RGL1: variants seen among roughly 807,000 people sequenced by gnomAD.
The protein encoded by RGL1 is ral guanine nucleotide dissociation stimulator like 1.
A neutral mutation model predicts 95.2 loss-of-function variants in RGL1; 24 were observed. That is an observed-to-expected ratio of 0.25 (90% CI 0.18 to 0.35). The LOEUF (loss-of-function observed/expected upper bound fraction) is 0.35. Among genes scored for constraint, RGL1 ranks in the 10% least tolerant of loss-of-function variants. The probability of loss-of-function intolerance (pLI) is 1.00; values close to 1 mark genes in which losing one functional copy is unlikely to be tolerated. For missense variants in RGL1, 715 were observed against 936.3 expected, an observed-to-expected ratio of 0.76 and a Z score of 3.08; for synonymous variants, 329 against 344.9, an observed-to-expected ratio of 0.95 and a Z score of 0.51.
intron 1 of RGL1, among the ~76,000 whole-genome samples, chr1:183,702,549 T>C (rs1421723168): frequency 1.3e-5 from 2 of 152,162 alleles, no homozygotes; most frequent in Non-Finnish European, 2.9e-5. Flanking sequence ...GGTGGTGACA[T>C]GGCTGTCTAT....
intron 2 of RGL1, among the ~76,000 whole-genome samples, chr1:183,845,682 G>A (rs144816257): frequency 4.6e-5 from 7 of 152,264 alleles, no homozygotes; most frequent in Non-Finnish European, 1.0e-4. Context: ...GATTGCTGAT[G>A]ATATTGAATC....
intron 5 of RGL1, among the ~76,000 whole-genome samples, chr1:183,881,327 C>T (rs1319694766): frequency 3.9e-5 from 6 of 152,198 alleles, no homozygotes; most frequent in Admixed American, 1.3e-4. Flanking sequence ...ATCACTGTAA[C>T]GGGTCCCCTG....
intron 7 of RGL1, among the ~76,000 whole-genome samples, chr1:183,887,169 TCC>T (rs1667156685): frequency 2.4e-5 from 2 of 84,828 alleles, no homozygotes; most frequent in African/African-American, 4.5e-5. Context: ...CCTCCCTCCC[TCC>T]CTCTTTTCCT....
chr1:183,767,675 G>A (rs933059764), intron 2 of RGL1, among the ~76,000 whole-genome samples: 6 of 152,278 alleles, frequency 3.9e-5, no homozygotes, highest in Admixed American at 6.5e-5. Flanking sequence ...ATTGCTGGCC[G>A]GGTATGGTGG....
At chr1:183,764,467 C>G (rs1378572880) in intron 2 of RGL1, among the ~76,000 whole-genome samples, 1 of 152,166 alleles carries the variant, frequency 6.6e-6, no homozygotes, top group Non-Finnish European at 1.5e-5. Flanking sequence ...TTGATACTAT[C>G]TGGGAGCCCT....
chr1:183,645,670 G>C (rs1211717605), intron 1 of RGL1, among the ~76,000 whole-genome samples: 1 of 152,196 alleles, frequency 6.6e-6, no homozygotes, highest in Non-Finnish European at 1.5e-5. Flanking sequence ...TGCACTGCAG[G>C]ATCTCACTTT....
chr1:183,904,523 T>C (rs1668203367), intron 12 of RGL1, among the ~76,000 whole-genome samples: 1 of 152,072 alleles, frequency 6.6e-6, no homozygotes, highest in African/African-American at 2.4e-5. Context: ...AGGATGAAAG[T>C]GAAGAAGAGA....
rs773372558 is a variant in RGL1 at position 183,912,180 on chromosome 1, T to A, written c.1661T>A (p.Val554Asp). Residue 554 changes from valine (V) to aspartate (D), a missense_variant, in exon 15 of 18, where the codon GTC (valine) becomes GAC (aspartate). Physicochemically the swap from Val to Asp is radical, Grantham distance 152. Coordinates refer to ENST00000360851, the MANE Select transcript of RGL1 (RefSeq NM_001297671.3). ...AGCTCTGGTGAAAGCATGGACTCTG[T>A]CAGCGTGTCATCCTGCGAGTCGAAC... is the stretch of plus-strand genomic sequence containing the variant. ...SGSSGESMDS[V>D]SVSSCESNHS... 11 of 1,614,068 alleles carry A rather than the reference T, an allele frequency of 6.8e-6. No homozygotes were observed. The South Asian group carries it at 1.2e-4, about 18-fold the overall frequency.
intron 1 of RGL1, among the ~76,000 whole-genome samples, chr1:183,651,277 A>G (rs1280539220): frequency 6.6e-6 from 1 of 152,222 alleles, no homozygotes; most frequent in Non-Finnish European, 1.5e-5. Flanking sequence ...CTGATAAGGC[A>G]GAAAATTTAA....
At position 183,897,106 on chromosome 1, in the gene RGL1, G is replaced by A. The variant is rs537748810; in HGVS notation, c.1141-702G>A. Among the ~76,000 whole-genome samples, 4 of 152,312 alleles carry A rather than the reference G, an allele frequency of 2.6e-5. No individual in the cohort carries two copies. The East Asian group carries it at 7.7e-4, about 29-fold the overall frequency. On this transcript the variant is annotated intron_variant, in intron 9 of 17. Transcript: ENST00000360851. ...AATCACAAAATGTACTGAGGAAGTC[G>A]ATCTTTGTTTTCAGGATATCTGATT...
In RGL1 at chr1:183,866,071, G is replaced by C; in HGVS notation, c.423G>C (p.Arg141Ser). Residue 141 changes from arginine to serine, a missense_variant and splice_region_variant, in exon 4 of 18, where the codon AGG becomes AGC. Around this residue, in one of 3 missense-constraint regions of RGL1, gnomAD observed 381 missense variants for 484.8 expected, o/e 0.79. Transcript: ENST00000360851. ...QSSSESKMVI[R>S]NAIASILRAW... ...CATCAGAGTCCAAAATGGTGATCAG[G>C]AAGTGAGTCTCCCTTTTCTTTGCAT... is the stretch of plus-strand genomic sequence containing the variant. 6.2e-7 allele frequency: 1 copy of C among 1,611,112 alleles called. No individual in the cohort carries two copies. Among genetic ancestry groups the C allele is most frequent in the Non-Finnish European group, 8.5e-7 (1 of 1,177,310 alleles).
Position 183,878,628 on chromosome 1 carries a change from T to A in RGL1, c.426-1988T>A, listed in dbSNP as rs189922587. ...GAGAGTAGGTATTTTGCTTTTTTAG[T>A]TTATGTACATTTGTAAGACTTACTT... is the stretch of plus-strand genomic sequence containing the variant. On this transcript the variant is annotated intron_variant, in intron 4 of 17. Coordinates refer to ENST00000360851, the MANE Select transcript of RGL1 (RefSeq NM_001297671.3). 4.0e-3 allele frequency among the ~76,000 whole-genome samples: 611 copies of A among 152,332 alleles called. 4 individuals are homozygous for A. The highest frequency in any genetic ancestry group is 0.014 in the African/African-American group (593 of 41,574).
intron 3 of RGL1, among the ~76,000 whole-genome samples, chr1:183,863,186 T>TAG (rs777151483): frequency 1.4e-4 from 22 of 151,976 alleles, no homozygotes; most frequent in Non-Finnish European, 2.4e-4. Flanking sequence ...TGAGGAATTG[T>TAG]AGGAGGCGTG....
intron 1 of RGL1, among the ~76,000 whole-genome samples, chr1:183,656,156 G>A (rs1651149851): frequency 6.8e-6 from 1 of 147,100 alleles, no homozygotes; most frequent in Non-Finnish European, 1.5e-5. Flanking sequence ...GCACAAGGAA[G>A]TCCCCTTGGC....
At chr1:183,794,531 A>G (rs917724353) in intron 2 of RGL1, among the ~76,000 whole-genome samples, 1 of 152,232 alleles carries the variant, frequency 6.6e-6, no homozygotes, top group Non-Finnish European at 1.5e-5. Context: ...TTATCAAACT[A>G]TCACATGTAC....
intron 4 of RGL1, among the ~76,000 whole-genome samples, chr1:183,878,341 C>CGT (rs1243582965): frequency 6.6e-6 from 1 of 151,988 alleles, no homozygotes; most frequent in East Asian, 1.9e-4. Flanking sequence ...GGACTACAGG[C>CGT]GTGTACCACC....
At position 183,837,124 on chromosome 1, in the gene RGL1, C is replaced by T. The variant is rs1217724613; in HGVS notation, c.139-10442C>T. Among the ~76,000 whole-genome samples, 7 of 152,152 alleles carry T rather than the reference C, an allele frequency of 4.6e-5. No individual in the cohort carries two copies. In the East Asian group the frequency reaches 5.8e-4, roughly 13 times the overall value. ...ACATCAGTTAGTTGCTACCCTTCCC[C>T]GTACTCTCCCTGGAGGATTGGTGAA... On this transcript the variant is annotated intron_variant, in intron 2 of 17. Coordinates refer to ENST00000360851, the MANE Select transcript of RGL1 (RefSeq NM_001297671.3).
At chr1:183,757,444 G>A (rs1052858685) in intron 2 of RGL1, among the ~76,000 whole-genome samples, 3 of 152,288 alleles carry the variant, frequency 2.0e-5, no homozygotes, top group African/African-American at 7.2e-5. Context: ...CAGAGCTAGG[G>A]TCCTTCTTTA....
chr1:183,847,871 G>A (rs998405241), intron 3 of RGL1, 97 bp downstream of exon 3: 2 of 857,516 alleles, frequency 2.3e-6, no homozygotes, highest in Non-Finnish European at 3.7e-6. Context: ...TATTCGGAGA[G>A]AGATATGTGA....
Sources: allele counts gnomAD v4.1 joint callset (sites outside exome capture counted in the v4.1 genomes callset), GRCh38; gene constraint gnomAD v4.1.1; regional missense constraint gnomAD v4.1.1; transcripts MANE v1.5; gene names NCBI Gene and HGNC (gene_info 2026-07-23, HGNC 2026-07-21).